USP10: variants seen among roughly 807,000 people sequenced by gnomAD.
The protein encoded by USP10 is ubiquitin specific peptidase 10, also known as ubiquitin carboxyl-terminal hydrolase 10.
Under a neutral mutation model 84.5 loss-of-function variants are expected in USP10, and 22 were observed. That is an observed-to-expected ratio of 0.26 (90% CI 0.19 to 0.37). The LOEUF is 0.37. Ranked by LOEUF, USP10 falls within the 10% of genes least tolerant of loss-of-function variation. The probability of loss-of-function intolerance (pLI) is 1.00; values close to 1 mark genes in which losing one functional copy is unlikely to be tolerated. For synonymous variants in USP10, 454 were observed against 387.6 expected, an observed-to-expected ratio of 1.17 and a Z score of -2.01; for missense variants, 1,019 against 998.9, an observed-to-expected ratio of 1.02 and a Z score of -0.27.
chr16:84,706,039 A>G (rs1905455618), intron 1 of USP10, among the ~76,000 whole-genome samples: 1 of 152,006 alleles, frequency 6.6e-6, no homozygotes, highest in Non-Finnish European at 1.5e-5. Context: ...TCATTCTTTG[A>G]AAAAAACAAT....
chr16:84,711,762 C>G (rs1597275801), intron 1 of USP10, among the ~76,000 whole-genome samples: 1 of 114,010 alleles, frequency 8.8e-6, no homozygotes, highest in Non-Finnish European at 1.6e-5. Context: ...GAGTCTTGTT[C>G]TGTCACCCAG....
At chr16:84,710,325 T>G (rs1244318688) in intron 1 of USP10, among the ~76,000 whole-genome samples, 1 of 151,968 alleles carries the variant, frequency 6.6e-6, no homozygotes. Context: ...GGGTCTTACT[T>G]AGATGCTTCG....
In USP10 at chr16:84,760,786, T is replaced by C. The variant is rs77642211; in HGVS notation, c.1554+511T>C. On this transcript the variant is annotated intron_variant, in intron 8 of 13. Coordinates refer to ENST00000219473, the MANE Select transcript of USP10 (RefSeq NM_005153.3). ...AGACCAAGGGGCCAGGGAGCCCTTA[T>C]AAAAGGCCCTGGGGCTGTTGAGAGT... 1.5e-3 allele frequency among the ~76,000 whole-genome samples: 229 copies of C among 152,264 alleles called. 1 individual carries two copies. In the East Asian group the frequency reaches 0.033, roughly 22 times the overall value.
chr16:84,759,405 A>T lies in USP10; in HGVS notation c.1327A>T (p.Met443Leu), dbSNP rs768062869. 6.2e-6 allele frequency: 10 copies of T among 1,613,866 alleles called. No individual in the cohort carries two copies. The highest frequency in any genetic ancestry group is 1.3e-5 in the African/African-American group (1 of 74,906). ...TGCTTGCCCGCCGATGTACCACCTGATGAAGTTCATTCCTCTGTATTCCAA... is the reference window on the plus strand; with the variant it reads ...TGCTTGCCCGCCGATGTACCACCTGTTGAAGTTCATTCCTCTGTATTCCAA... ...LVACPPMYHLMKFIPLYSKVQ... is the reference protein window; with the variant it reads ...LVACPPMYHLLKFIPLYSKVQ... The change falls in exon 6 of 14, where the codon ATG (methionine) becomes TTG (leucine). Residue 443 changes from methionine to leucine, a missense_variant. By Grantham distance (15) the Met-to-Leu change is conservative (BLOSUM62 2). This residue lies in a region of USP10 where 787 missense variants were observed against 708.8 expected (regional missense o/e 1.11). Transcript: ENST00000219473.
At chr16:84,717,016 G>C (rs1325139239) in intron 1 of USP10, among the ~76,000 whole-genome samples, 1 of 152,220 alleles carries the variant, frequency 6.6e-6, no homozygotes, top group Admixed American at 6.5e-5. Context: ...GAGCATAGCA[G>C]TGCTTCTCAA....
chr16:84,751,288 C>T (rs759260836), intron 4 of USP10, among the ~76,000 whole-genome samples: 9 of 152,242 alleles, frequency 5.9e-5, no homozygotes, highest in Non-Finnish European at 4.4e-5. Context: ...CCACATTTCT[C>T]AGAACATATC....
intron 4 of USP10, among the ~76,000 whole-genome samples, chr16:84,754,752 T>C (rs1321527076): frequency 6.6e-6 from 1 of 152,044 alleles, no homozygotes; most frequent in Non-Finnish European, 1.5e-5. Context: ...AAAAAGTCGG[T>C]TTATAGTTGA....
intron 2 of USP10, among the ~76,000 whole-genome samples, chr16:84,737,996 G>A (rs1910152912): frequency 6.6e-6 from 1 of 152,240 alleles, no homozygotes; most frequent in Non-Finnish European, 1.5e-5. Flanking sequence ...TGCATGTTGT[G>A]GGAGTGGCTG....
chr16:84,711,776 G>A (rs1320215598), intron 1 of USP10, among the ~76,000 whole-genome samples: 2 of 144,032 alleles, frequency 1.4e-5, no homozygotes, highest in African/African-American at 2.6e-5. Context: ...CACCCAGGCA[G>A]TGGCAAGATC....
rs114482532 is a variant in USP10 at position 84,701,057 on chromosome 16, A to G, written c.21+946A>G. Among the ~76,000 whole-genome samples, 1,348 of 152,276 alleles carry G rather than the reference A, an allele frequency of 8.9e-3. 21 individuals are homozygous for G. Among genetic ancestry groups the G allele is most frequent in the African/African-American group, 0.031 (1,299 of 41,542 alleles). ...TTAAACCATCTCATTGTGTATTTGT[A>G]TTAAATATGGGGAAATGAAACAAAG... On this transcript the variant is annotated intron_variant, in intron 1 of 13. Coordinates refer to ENST00000219473, the MANE Select transcript of USP10 (RefSeq NM_005153.3).
chr16:84,764,811 C>T (rs1377469619), intron 10 of USP10, among the ~76,000 whole-genome samples: 2 of 149,886 alleles, frequency 1.3e-5, no homozygotes, highest in Admixed American at 1.3e-4. Flanking sequence ...GCATGGGTGA[C>T]AGAGTGAGAC....
chr16:84,732,711 G>A (rs1255707652), intron 1 of USP10: 4 of 301,364 alleles, frequency 1.3e-5, no homozygotes, highest in South Asian at 5.3e-5. Flanking sequence ...GCCTCCCAGA[G>A]TGCTGGGATT....
At chr16:84,752,589 A>G (rs1333144685) in intron 4 of USP10, among the ~76,000 whole-genome samples, 6 of 152,236 alleles carry the variant, frequency 3.9e-5, no homozygotes, top group Non-Finnish European at 8.8e-5. Context: ...GAAGAGTGAT[A>G]TTAGAAATTT....
chr16:84,752,151 T>A (rs544238562), intron 4 of USP10, among the ~76,000 whole-genome samples: 1 of 152,346 alleles, frequency 6.6e-6, no homozygotes, highest in Admixed American at 6.5e-5. Context: ...GGTTTCAATT[T>A]TGTGTCTTTT....
intron 1 of USP10, among the ~76,000 whole-genome samples, chr16:84,724,380 A>G (rs1001205986): frequency 2.0e-5 from 3 of 152,220 alleles, no homozygotes; most frequent in Non-Finnish European, 4.4e-5. Flanking sequence ...GTTAAAAACC[A>G]TACTTTGAGA....
At chr16:84,764,297 CT>C in intron 10 of USP10, 34 bp downstream of exon 10, 1 of 1,613,608 alleles carries the variant, frequency 6.2e-7, no homozygotes, top group South Asian at 1.1e-5. Context: ...TAATATTTGC[CT>C]TTTCTAGGGT....
chr16:84,727,828 C>A (rs1339004772), intron 1 of USP10, among the ~76,000 whole-genome samples: 1 of 152,188 alleles, frequency 6.6e-6, no homozygotes, highest in Non-Finnish European at 1.5e-5. Flanking sequence ...TCTTAAATAA[C>A]CACAGTAATA....
At chr16:84,741,424 G>T (rs754604769) in intron 3 of USP10, among the ~76,000 whole-genome samples, 13 of 152,196 alleles carry the variant, frequency 8.5e-5, no homozygotes, top group Non-Finnish European at 1.9e-4. Context: ...GACTTCCTCT[G>T]TCACTGTGTG....
chr16:84,741,803 C>A (rs972981672), intron 3 of USP10, among the ~76,000 whole-genome samples: 1 of 152,174 alleles, frequency 6.6e-6, no homozygotes, highest in African/African-American at 2.4e-5. Flanking sequence ...AGTGCCTGTT[C>A]GACTGTACAG....
Sources: gnomAD v4.1 joint callset for allele counts (sites outside exome capture counted in the v4.1 genomes callset) on GRCh38, gnomAD v4.1.1 for gene constraint, gnomAD v4.1.1 regional missense constraint, MANE v1.5 for transcripts, NCBI Gene and HGNC (gene_info 2026-07-23, HGNC 2026-07-21) for gene names.